Variants in CLDN2 observed in about 807,000 individuals in gnomAD.
The protein encoded by CLDN2 is claudin 2, also known as claudin-2.
CLDN2 carries 1 observed loss-of-function variant against 8.2 expected under a neutral mutation model. The observed-to-expected ratio is 0.12, with a 90% CI of 0.04 to 0.58. The LOEUF is 0.58. Ranked by LOEUF, CLDN2 falls within the 20% of genes least tolerant of loss-of-function variation. The probability of loss-of-function intolerance (pLI) is 0.90; values close to 1 mark genes in which losing one functional copy is unlikely to be tolerated. For missense variants in CLDN2, 108 were observed against 172.9 expected, an observed-to-expected ratio of 0.62 and a Z score of 2.11; for synonymous variants, 70 against 70.2, an observed-to-expected ratio of 1.00 and a Z score of 0.01.
chrX:106,927,559 G>A (rs1933486284), intron 1 of CLDN2, among the ~76,000 whole-genome samples: 1 of 111,743 alleles, frequency 8.9e-6, no homozygotes, highest in Non-Finnish European at 1.9e-5. Flanking sequence ...CATCTACCCT[G>A]GAGTAGATTT....
chrX:106,911,887 T>A (rs1416380781), intron 1 of CLDN2, among the ~76,000 whole-genome samples: 1 of 111,714 alleles, frequency 9.0e-6, no homozygotes, highest in Non-Finnish European at 1.9e-5. Context: ...GGCAGACAGC[T>A]ATGACAGGTG....
intron 1 of CLDN2, among the ~76,000 whole-genome samples, chrX:106,908,391 C>A (rs749012767): frequency 3.2e-4 from 36 of 111,096 alleles, no homozygotes; most frequent in African/African-American, 1.1e-3. Context: ...TCAGCCTGCT[C>A]TCCGGTCTTC....
At chrX:106,919,396 A>G (rs1250082720), upstream of CLDN2, among the ~76,000 whole-genome samples, 2 of 111,691 alleles carry the variant, frequency 1.8e-5, no homozygotes, top group Non-Finnish European at 3.8e-5. Context: ...GAGTAAAGCC[A>G]GTCACTGCGC....
rs200086437 is a variant in CLDN2 at position 106,903,132 on chromosome X, C to A, written c.-179+2628C>A. The A allele has an allele frequency of 5.0e-6, 6 of 1,209,856 alleles. No homozygotes were observed. The East Asian group carries it at 1.5e-4, about 30-fold the overall frequency. On this transcript the variant is annotated intron_variant, in intron 1 of 1. Coordinates refer to the CLDN2 transcript ENST00000541806. The stretch of plus-strand genomic sequence containing the variant: ...GTTGCCAAAGGCTAAGCTCAACTTA[C>A]CTTTCACTCCCATTTACTTCTTGTC...
intron 1 of CLDN2, chrX:106,903,430 G>A (rs1933137490): frequency 6.5e-6 from 4 of 611,597 alleles, no homozygotes; most frequent in Non-Finnish European, 9.4e-6. Flanking sequence ...ACTTGGGAGG[G>A]GGATAAAGAT....
intron 1 of CLDN2, chrX:106,902,200 C>T: frequency 8.4e-7 from 1 of 1,183,667 alleles, no homozygotes; most frequent in Non-Finnish European, 1.1e-6. Context: ...GCCAGGGCCT[C>T]CAGAGACAAG....
At chrX:106,900,679 G>C in intron 1 of CLDN2, 1 of 1,138,518 alleles carries the variant, frequency 8.8e-7, no homozygotes, top group Non-Finnish European at 1.2e-6. Context: ...GAAGGGGGAT[G>C]AGCTGTGGCG....
chrX:106,911,051 C>T (rs145281297), intron 1 of CLDN2, among the ~76,000 whole-genome samples: 1 of 112,149 alleles, frequency 8.9e-6, no homozygotes, highest in East Asian at 2.8e-4. Context: ...TCCATCATTG[C>T]ATACATTGTG....
intron 1 of CLDN2, chrX:106,900,692 G>A: frequency 2.6e-6 from 3 of 1,158,238 alleles, no homozygotes; most frequent in East Asian, 6.4e-5. Context: ...CTGTGGCGCT[G>A]TAGGGTATGG....
chrX:106,922,956 C>T (rs1039004303), intron 1 of CLDN2, among the ~76,000 whole-genome samples: 6 of 103,503 alleles, frequency 5.8e-5, no homozygotes, highest in Non-Finnish European at 9.8e-5. Context: ...TCCTGAAATA[C>T]TTAAGAGCTC....
Position 106,929,207 on chromosome X carries a change from A to C in CLDN2, c.*286A>C. 2.8e-6 allele frequency: 1 copy of C among 351,654 alleles called. No individual in the cohort carries two copies. The highest frequency in any genetic ancestry group is 5.1e-6 in the Non-Finnish European group (1 of 196,132). 29.0% of individuals were successfully genotyped at this position (351,654 alleles called of 1,213,427 possible). ...CCTCAACTTGAAACCCCATTCCCTTAAGCCAGGACTCAGAGGATCCCTTTG... is the reference window on the plus strand; with the variant it reads ...CCTCAACTTGAAACCCCATTCCCTTCAGCCAGGACTCAGAGGATCCCTTTG... On this transcript the variant is annotated 3_prime_UTR_variant, in exon 2 of 2. Transcript: ENST00000336803.
At chrX:106,900,946 C>T (rs1295992511) in intron 1 of CLDN2, 1 of 1,188,835 alleles carries the variant, frequency 8.4e-7, no homozygotes, top group Admixed American at 2.3e-5. Context: ...TAACAGGTGT[C>T]ATATGTGCAG....
chrX:106,910,080 C>T (rs1389811216), intron 1 of CLDN2, among the ~76,000 whole-genome samples: 1 of 111,096 alleles, frequency 9.0e-6, no homozygotes, highest in Admixed American at 9.6e-5. Flanking sequence ...ATCCTCTCTT[C>T]TCTGAGACAG....
chrX:106,904,402 C>T (rs759046557), intron 1 of CLDN2, among the ~76,000 whole-genome samples: 69 of 113,008 alleles, frequency 6.1e-4, no homozygotes, highest in African/African-American at 2.0e-3. Flanking sequence ...ACAGATTTAG[C>T]TTCTTGGATG....
chrX:106,916,758 A>G (rs1933316186), upstream of CLDN2, among the ~76,000 whole-genome samples: 2 of 111,603 alleles, frequency 1.8e-5, no homozygotes, highest in Admixed American at 1.9e-4. Flanking sequence ...TCAAGGATAC[A>G]ATTTTGAGGC....
intron 1 of CLDN2, among the ~76,000 whole-genome samples, chrX:106,921,704 T>A (rs1405709357): frequency 8.9e-6 from 1 of 112,026 alleles, no homozygotes; most frequent in African/African-American, 3.2e-5. Flanking sequence ...GGAGCTGCGG[T>A]CAATCTTGAC....
chrX:106,927,889 C>T (rs960806311), intron 1 of CLDN2, among the ~76,000 whole-genome samples, 162 bp from the exon 2 acceptor site: 3 of 110,895 alleles, frequency 2.7e-5, no homozygotes, highest in African/African-American at 6.6e-5. Context: ...CATGTGCCTA[C>T]GCAGGAGGCG....
In CLDN2 at chrX:106,922,604, G is replaced by C. The variant is rs189891422; in HGVS notation, c.-179+2053G>C. Among the ~76,000 whole-genome samples, 766 of 112,268 alleles carry C rather than the reference G, an allele frequency of 6.8e-3. 3 individuals carry two copies. The highest frequency in any genetic ancestry group is 9.1e-3 in the Non-Finnish European group (482 of 53,225). On this transcript the variant is annotated intron_variant, in intron 1 of 1. Transcript: ENST00000336803. ...CTCACCAATTCTCACTGAAAGCTCA[G>C]ATACAAATAGGAGGAAGAAAGGAAA...
intron 1 of CLDN2, chrX:106,900,853 A>G (rs1307097042): frequency 8.3e-7 from 1 of 1,211,477 alleles, no homozygotes; most frequent in African/African-American, 1.7e-5. Context: ...TTCTGCAGTA[A>G]AATCTCCCCA....
Sources: gnomAD v4.1 joint callset for allele counts (sites outside exome capture counted in the v4.1 genomes callset) on GRCh38, gnomAD v4.1.1 for gene constraint, MANE v1.5 for transcripts, NCBI Gene and HGNC (gene_info 2026-07-23, HGNC 2026-07-21) for gene names.